The following ZKSCAN5 variants were observed in gnomAD, a reference collection of about 807,000 sequenced individuals.
ZKSCAN5 encodes the protein zinc finger with KRAB and SCAN domains 5.
Under a neutral mutation model 60.0 loss-of-function variants are expected in ZKSCAN5, and 28 were observed. The observed-to-expected ratio is 0.47, with a 90% CI of 0.35 to 0.64. The LOEUF is 0.64. ZKSCAN5 is among the 30% of genes least tolerant of loss of function. The probability of loss-of-function intolerance (pLI) is 0.01; values close to 1 mark genes in which losing one functional copy is unlikely to be tolerated. For missense variants in ZKSCAN5, 881 were observed against 1,034.6 expected, an observed-to-expected ratio of 0.85 and a Z score of 2.04; for synonymous variants, 361 against 371.2, an observed-to-expected ratio of 0.97 and a Z score of 0.31.
chr7:99,525,326 G>T (rs1801727153), intron 5 of ZKSCAN5, among the ~76,000 whole-genome samples: 1 of 151,782 alleles, frequency 6.6e-6, no homozygotes, highest in African/African-American at 2.4e-5. Context: ...ATAAAAATTA[G>T]CTGAGCATGG....
At chr7:99,508,829 T>C (rs1800892663) in intron 2 of ZKSCAN5, among the ~76,000 whole-genome samples, 2 of 150,068 alleles carry the variant, frequency 1.3e-5, no homozygotes, top group African/African-American at 2.4e-5. Context: ...TTTTTTTTTT[T>C]TGGAGACAAG....
At chr7:99,512,832 T>G (rs1801100988) in intron 3 of ZKSCAN5, among the ~76,000 whole-genome samples, 1 of 151,408 alleles carries the variant, frequency 6.6e-6, no homozygotes, top group Admixed American at 6.6e-5. Flanking sequence ...ATTTATTTAT[T>G]TATTATTATT....
chr7:99,512,391 T>C, intron 2 of ZKSCAN5, 62 bp from the exon 3 acceptor site: 1 of 1,556,612 alleles, frequency 6.4e-7, no homozygotes, highest in South Asian at 1.2e-5. Context: ...ACCATGATTC[T>C]ACTGATTTCT....
intron 3 of ZKSCAN5, among the ~76,000 whole-genome samples, chr7:99,517,109 A>G (rs1801299921): frequency 6.6e-6 from 1 of 152,156 alleles, no homozygotes; most frequent in African/African-American, 2.4e-5. Flanking sequence ...CTTGTTACCC[A>G]GGCTGGAGTG....
intron 2 of ZKSCAN5, among the ~76,000 whole-genome samples, chr7:99,511,951 G>A (rs900100500): frequency 4.6e-5 from 7 of 152,056 alleles, no homozygotes; most frequent in Non-Finnish European, 8.8e-5. Context: ...CACCACACCC[G>A]GCTAATTTTT....
chr7:99,511,935 G>A (rs891164633), intron 2 of ZKSCAN5, among the ~76,000 whole-genome samples: 10 of 151,972 alleles, frequency 6.6e-5, no homozygotes, highest in Non-Finnish European at 1.3e-4. Context: ...GACTACAGGC[G>A]CCCACCACCA....
At chr7:99,517,545 G>A (rs1801318506) in intron 3 of ZKSCAN5, among the ~76,000 whole-genome samples, 1 of 152,160 alleles carries the variant, frequency 6.6e-6, no homozygotes, top group Non-Finnish European at 1.5e-5. Context: ...GTCAGGCATG[G>A]TGGCACATGC....
At chr7:99,511,904 C>G (rs1240117569) in intron 2 of ZKSCAN5, among the ~76,000 whole-genome samples, 1 of 152,196 alleles carries the variant, frequency 6.6e-6, no homozygotes, top group Non-Finnish European at 1.5e-5. Context: ...ATTCTCCTGC[C>G]TCAGCCTCCT....
At chr7:99,521,743 A>G (rs1801547205) in intron 5 of ZKSCAN5, among the ~76,000 whole-genome samples, 2 of 151,766 alleles carry the variant, frequency 1.3e-5, no homozygotes, top group Admixed American at 6.6e-5. Context: ...ATTTTTGTGG[A>G]AAAAAATCAA....
Position 99,531,607 on chromosome 7 carries a change from G to A in ZKSCAN5, c.1878G>A (p.Val626=). Residue 626 remains valine, a synonymous_variant, in exon 7 of 7, where the codon GTG becomes GTA. Coordinates refer to ENST00000326775, the MANE Select transcript of ZKSCAN5 (RefSeq NM_145102.4). ...VRSHLVQHQS[V]HSGERPFKCN... ...CCCACCTTGTTCAGCATCAGAGCGT[G>A]CACAGTGGGGAGAGACCCTTCAAGT... The A allele has an allele frequency of 6.2e-7, 1 of 1,614,192 alleles. No homozygotes were observed. The highest frequency in any genetic ancestry group is 8.5e-7 in the Non-Finnish European group (1 of 1,180,020).
At chr7:99,517,000 C>A (rs760228857) in intron 3 of ZKSCAN5, among the ~76,000 whole-genome samples, 25 of 152,176 alleles carry the variant, frequency 1.6e-4, no homozygotes, top group Admixed American at 5.9e-4. Flanking sequence ...TTGTGCCACA[C>A]ATAAAATACA....
chr7:99,523,400 T>C (rs1801632246), intron 5 of ZKSCAN5, among the ~76,000 whole-genome samples: 1 of 151,786 alleles, frequency 6.6e-6, no homozygotes, highest in South Asian at 2.1e-4. Context: ...GGAAGGAGGA[T>C]CACTTGAGGC....
At chr7:99,522,131 A>G (rs1367239072) in intron 5 of ZKSCAN5, among the ~76,000 whole-genome samples, 1 of 152,184 alleles carries the variant, frequency 6.6e-6, no homozygotes, top group Non-Finnish European at 1.5e-5. Flanking sequence ...TTACATGGCC[A>G]GTGGTTTCTG....
rs1802141994 is a variant in ZKSCAN5 at position 99,533,450 on chromosome 7, G to A, written c.*1201G>A. 1 of 534,776 alleles carries A rather than the reference G, an allele frequency of 1.9e-6. No individual in the cohort carries two copies. The allele number at this position is 534,776 out of a possible 1,614,324, so 33.1% of individuals were successfully genotyped here. A position where few individuals can be genotyped will look rare whatever the true frequency, so the allele number is the denominator to read the frequency against. On this transcript the variant is annotated 3_prime_UTR_variant, in exon 7 of 7. Coordinates refer to ENST00000326775, the MANE Select transcript of ZKSCAN5 (RefSeq NM_145102.4). ...TACAATAAATGCCCAATAAATATTT[G>A]TTGACCATATGTGTTGTACACTGTG...
At chr7:99,520,864 G>A (rs1801506358) in intron 5 of ZKSCAN5, among the ~76,000 whole-genome samples, 1 of 152,134 alleles carries the variant, frequency 6.6e-6, no homozygotes, top group South Asian at 2.1e-4. Context: ...GCCGGGCGTG[G>A]TGGCGGGCGC....
intron 6 of ZKSCAN5, among the ~76,000 whole-genome samples, chr7:99,528,643 T>G (rs998083276): frequency 6.6e-6 from 1 of 152,128 alleles, no homozygotes; most frequent in Non-Finnish European, 1.5e-5. Context: ...CCCAGGCTGG[T>G]CTTGAACTTC....
chr7:99,531,582 C>A lies in ZKSCAN5; in HGVS notation c.1853C>A (p.Ser618Tyr). 5 of 1,614,152 alleles carry A rather than the reference C, an allele frequency of 3.1e-6. No homozygotes were observed. Among genetic ancestry groups the A allele is most frequent in the Non-Finnish European group, 4.2e-6 (5 of 1,180,038 alleles). ...TGTGGGAAAGCCTTCAGAGTGAGGT[C>A]CCACCTTGTTCAGCATCAGAGCGTG... ...PLCGKAFRVRSHLVQHQSVHS... is the reference protein window; with the variant it reads ...PLCGKAFRVRYHLVQHQSVHS... The change falls in exon 7 of 7, where the codon TCC (serine) becomes TAC (tyrosine). Residue 618 changes from serine (S) to tyrosine (Y), a missense_variant. Coordinates refer to ENST00000326775, the MANE Select transcript of ZKSCAN5 (RefSeq NM_145102.4).
At chr7:99,513,082 G>GT (rs1801115717) in intron 3 of ZKSCAN5, among the ~76,000 whole-genome samples, 1 of 148,930 alleles carries the variant, frequency 6.7e-6, no homozygotes, top group Non-Finnish European at 1.5e-5. Context: ...GCGGTGTTTG[G>GT]TTTTTTGTTC....
rs1309567539 is a variant in ZKSCAN5 at position 99,533,372 on chromosome 7, T to A, written c.*1123T>A. Reference sequence around the variant, plus strand: ...TTCTGAGCCTGTTTGCTAGGGAGAGTGAGTGAGTGCTCTTGGGCACTGCTC... The same window carrying A: ...TTCTGAGCCTGTTTGCTAGGGAGAGAGAGTGAGTGCTCTTGGGCACTGCTC... On this transcript the variant is annotated 3_prime_UTR_variant, in exon 7 of 7. Coordinates refer to ENST00000326775, the MANE Select transcript of ZKSCAN5 (RefSeq NM_145102.4). The A allele has an allele frequency of 1.7e-6, 1 of 590,800 alleles. No individual in the cohort carries two copies. The highest frequency in any genetic ancestry group is 3.1e-6 in the Non-Finnish European group (1 of 321,712). 36.6% of individuals were successfully genotyped at this position (590,800 alleles called of 1,614,324 possible).
Sources: allele counts gnomAD v4.1 joint callset (sites outside exome capture counted in the v4.1 genomes callset), GRCh38; gene constraint gnomAD v4.1.1; transcripts MANE v1.5; gene names NCBI Gene and HGNC (gene_info 2026-07-23, HGNC 2026-07-21).